TECTA: variants seen among roughly 807,000 people sequenced by gnomAD.
TECTA encodes tectorin alpha.
TECTA carries 128 observed loss-of-function variants against 216.8 expected under a neutral mutation model. That is an observed-to-expected ratio of 0.59 (90% CI 0.51 to 0.68). The LOEUF is 0.68. Among genes scored for constraint, TECTA ranks in the 30% least tolerant of loss-of-function variants. The pLI, the probability that TECTA is intolerant of heterozygous loss-of-function variation, is 0.00. For synonymous variants in TECTA, 1,089 were observed against 1,117.1 expected, an observed-to-expected ratio of 0.97 and a Z score of 0.50; for missense variants, 2,551 against 2,786.2, an observed-to-expected ratio of 0.92 and a Z score of 1.90.
In TECTA at chr11:121,145,630, G is replaced by A. The variant is rs746231346; in HGVS notation, c.3619G>A (p.Val1207Met). 2.5e-5 allele frequency: 41 copies of A among 1,614,084 alleles called. No homozygotes were observed. Among genetic ancestry groups the A allele is most frequent in the Non-Finnish European group, 3.1e-5 (37 of 1,180,044 alleles). Residue 1207 changes from valine to methionine, a missense_variant, in exon 12 of 24, where the codon GTG (valine) becomes ATG (methionine). Coordinates refer to ENST00000392793, the MANE Select transcript of TECTA (RefSeq NM_005422.4). ...KINIFSFGFH[V>M]VVETDFGLKV... ...AAATATCTTTTCCTTTGGCTTCCACGTGGTGGTGGAAACTGATTTTGGCCT... is the reference window on the plus strand; with the variant it reads ...AAATATCTTTTCCTTTGGCTTCCACATGGTGGTGGAAACTGATTTTGGCCT...
intron 20 of TECTA, among the ~76,000 whole-genome samples, chr11:121,178,825 T>C (rs901821177): frequency 3.0e-4 from 45 of 152,140 alleles, no homozygotes; most frequent in African/African-American, 1.1e-3. Context: ...TCAACCTTGG[T>C]AGGTTGTATG....
chr11:121,115,714 C>T (rs1264723591), intron 6 of TECTA, among the ~76,000 whole-genome samples: 1 of 152,110 alleles, frequency 6.6e-6, no homozygotes, highest in Admixed American at 6.5e-5. Context: ...AGAACAGTGT[C>T]GTGGTCATAG....
At position 121,130,134 on chromosome 11, in the gene TECTA, A is replaced by G; in HGVS notation, c.2864A>G (p.Asp955Gly). Residue 955 changes from aspartate (D) to glycine (G), a missense_variant, in exon 10 of 24, where the codon GAC becomes GGC. By Grantham distance (94) the Asp-to-Gly change is moderately conservative. Coordinates refer to ENST00000392793, the MANE Select transcript of TECTA (RefSeq NM_005422.4). ...GGGGGCAATGAGTCAGAGCTCTGTG[A>G]CTCTGTGGCCCGGTATGCAAGCGCC... ...QSGGNESELC[D>G]SVARYASACK... The G allele has an allele frequency of 1.2e-6, 2 of 1,610,754 alleles. No homozygotes were observed. The highest frequency in any genetic ancestry group is 1.7e-6 in the Non-Finnish European group (2 of 1,179,966).
rs139269834 is a variant in TECTA, at chr11:121,125,489, A to G, written c.1391A>G (p.Tyr464Cys). The change falls in exon 8 of 24, where the codon TAT (tyrosine) becomes TGT (cysteine). Residue 464 changes from tyrosine to cysteine, a missense_variant. By Grantham distance (194) the Tyr-to-Cys change is radical (BLOSUM62 -2). Around this residue, in one of 3 missense-constraint regions of TECTA, gnomAD observed 2,375 missense variants for 2,563.9 expected, o/e 0.93. Transcript: ENST00000392793. ...TCCACCTGTGGACTCTGTGGAAACT[A>G]TAATAAAAACCCACTGGATGACTTC... ...INSTCGLCGN[Y>C]NKNPLDDFLR... is the part of the protein sequence containing the mutation. 82 of 1,614,078 alleles carry G rather than the reference A, an allele frequency of 5.1e-5. No homozygotes were observed. Among genetic ancestry groups the G allele is most frequent in the Non-Finnish European group, 6.5e-5 (77 of 1,180,050 alleles).
Position 121,158,487 on chromosome 11 carries a change from A to G in TECTA, c.4689+263A>G, listed in dbSNP as rs114269625. Reference sequence around the variant, plus strand: ...ACCAGGCAATGGCATGGGCGCTAATAGAGCTTCAGGTGATAAATTGTTAGA... The same window carrying G: ...ACCAGGCAATGGCATGGGCGCTAATGGAGCTTCAGGTGATAAATTGTTAGA... On this transcript the variant is annotated intron_variant, in intron 14 of 23. Transcript: ENST00000392793. Among the ~76,000 whole-genome samples, 1,153 of 152,366 alleles carry G rather than the reference A, an allele frequency of 7.6e-3. 22 individuals carry two copies. The highest frequency in any genetic ancestry group is 0.025 in the African/African-American group (1,048 of 41,588).
At chr11:121,147,777 G>A (rs184934165) in intron 12 of TECTA, among the ~76,000 whole-genome samples, 2 of 152,156 alleles carry the variant, frequency 1.3e-5, no homozygotes, top group South Asian at 2.1e-4. Flanking sequence ...CTGCAGCCAT[G>A]CTGTGCTGGG....
At chr11:121,140,289 C>A (rs1445076733) in intron 11 of TECTA, among the ~76,000 whole-genome samples, 1 of 152,020 alleles carries the variant, frequency 6.6e-6, no homozygotes, top group Non-Finnish European at 1.5e-5. Flanking sequence ...TTCATGCTAC[C>A]CTTCCCTCTC....
chr11:121,165,318 G>A lies in TECTA; in HGVS notation c.5318G>A (p.Arg1773Gln), dbSNP rs2135128746. 2 of 1,608,688 alleles carry A rather than the reference G, an allele frequency of 1.2e-6. No homozygotes were observed. Among genetic ancestry groups the A allele is most frequent in the East Asian group, 2.2e-5 (1 of 44,792 alleles). Reference protein sequence around the residue: ...DPCVGADCPNRTCELGNGREL... With the variant: ...DPCVGADCPNQTCELGNGREL... The stretch of plus-strand genomic sequence containing the variant: ...TGTGTGGGGGCGGACTGTCCCAACC[G>A]AACTTGCGAGCTGGGCAATGGCAGG... The change falls in exon 17 of 24, where the codon CGA becomes CAA. Residue 1773 changes from arginine (R) to glutamine (Q), a missense_variant. Physicochemically the swap from Arg to Gln is conservative, Grantham distance 43 (BLOSUM62 1). Around this residue, in one of 3 missense-constraint regions of TECTA, gnomAD observed 2,375 missense variants for 2,563.9 expected, o/e 0.93. Transcript: ENST00000392793.
At position 121,113,440 on chromosome 11, in the gene TECTA, A is replaced by G. The variant is rs1946463877; in HGVS notation, c.625-113A>G. The G allele has an allele frequency of 1.3e-6, 2 of 1,516,450 alleles. No individual in the cohort carries two copies. The highest frequency in any genetic ancestry group is 1.7e-5 in the Admixed American group (1 of 59,482). 93.9% of individuals were successfully genotyped at this position (1,516,450 alleles called of 1,614,324 possible). A position where few individuals can be genotyped will look rare whatever the true frequency, so the allele number is the denominator to read the frequency against. ...GAATGCTGGCCCCAGTGACTCCAGG[A>G]AAAGACGGCTCTTGATTTTAGAGGT... On this transcript the variant is annotated intron_variant, in intron 5 of 23. Transcript: ENST00000392793. The surrounding 1 kb of genome is among the most constrained non-coding windows in gnomAD (Gnocchi z 4.2).
intron 20 of TECTA, among the ~76,000 whole-genome samples, chr11:121,186,290 G>A (rs560588454): frequency 1.3e-5 from 2 of 152,366 alleles, no homozygotes; most frequent in South Asian, 4.1e-4. Flanking sequence ...ACTTCTACAA[G>A]TGGCTTGTAA....
At position 121,158,364 on chromosome 11, in the gene TECTA, TAAAGAATC is replaced by T. The variant is rs897646674; in HGVS notation, c.4689+145_4689+152del. The T allele has an allele frequency of 2.4e-6, 3 of 1,232,116 alleles. No homozygotes were observed. In the African/African-American group the frequency reaches 4.5e-5, roughly 18 times the overall value. The allele number at this position is 1,232,116 out of a possible 1,614,324, so 76.3% of individuals were successfully genotyped here. On this transcript the variant is annotated intron_variant, in intron 14 of 23. Transcript: ENST00000392793. Reference sequence around the variant, plus strand: ...TGTTCCACACACAGTGACCAGGTTTTAAAGAATCAAAGTATGAAGATGTTTTAAGCCTG... The same window carrying T: ...TGTTCCACACACAGTGACCAGGTTTTAAAGTATGAAGATGTTTTAAGCCTG...
chr11:121,180,302 G>A (rs1015413688), intron 20 of TECTA, among the ~76,000 whole-genome samples: 1 of 152,144 alleles, frequency 6.6e-6, no homozygotes, highest in Non-Finnish European at 1.5e-5. Context: ...TGTTCTTGTA[G>A]GGCTGGCCTG....
chr11:121,121,300 C>G (rs146786101), intron 7 of TECTA, among the ~76,000 whole-genome samples: 1 of 152,170 alleles, frequency 6.6e-6, no homozygotes, highest in Non-Finnish European at 1.5e-5. Context: ...CCTGTGCCTC[C>G]GTGACTCCAC....
chr11:121,189,373 C>CT (rs1565542342), intron 22 of TECTA, among the ~76,000 whole-genome samples: 1 of 126,014 alleles, frequency 7.9e-6, no homozygotes, highest in Non-Finnish European at 1.6e-5. Context: ...CTTTGTCCTC[C>CT]TCTTTTTTTT....
At chr11:121,118,796 ACTGGTTCTG>A (rs1946526999) in intron 7 of TECTA, 78 bp downstream of exon 7, 2 of 1,557,562 alleles carry the variant, frequency 1.3e-6, no homozygotes, top group Non-Finnish European at 1.8e-6. Flanking sequence ...CCCCAGATCT[ACTGGTTCTG>A]CTGTTTGTCT....
At position 121,157,995 on chromosome 11, in the gene TECTA, GC is replaced by G; in HGVS notation, c.4462del (p.Leu1488TrpfsTer77). On this transcript the variant is annotated frameshift_variant, in exon 14 of 24. Transcript: ENST00000392793. LOFTEE classifies it high-confidence loss of function. ...RGCFSTKTSY[C>X]LAAGGGVFRT... ...TGCTTCAGCACCAAGACCTCCTACT[GC>G]CTGGCGGCCGGCGGCGGCGTCTTCC... 1 of 1,613,088 alleles carries G rather than the reference GC, an allele frequency of 6.2e-7. No individual in the cohort carries two copies.
intron 8 of TECTA, among the ~76,000 whole-genome samples, chr11:121,126,818 T>C (rs1946617138): frequency 1.3e-5 from 2 of 152,254 alleles, no homozygotes; most frequent in African/African-American, 2.4e-5. Flanking sequence ...CCAGCCTCTC[T>C]TATGACCAGA....
chr11:121,130,048 C>T lies in TECTA; in HGVS notation c.2778C>T (p.Cys926=), dbSNP rs149008453. Residue 926 remains cysteine, a synonymous_variant, in exon 10 of 24, where the codon TGC becomes TGT. Coordinates refer to ENST00000392793, the MANE Select transcript of TECTA (RefSeq NM_005422.4). The stretch of plus-strand genomic sequence containing the variant: ...CCTCCAACAGCTCCTTCCTGGAGTG[C>T]CATGGGGTGGTGAACGTCACTGCCT... The part of the protein sequence containing the change: ...NDPSNSSFLE[C]HGVVNVTAYY... 11 of 1,613,850 alleles carry T rather than the reference C, an allele frequency of 6.8e-6. No individual in the cohort carries two copies. Among genetic ancestry groups the T allele is most frequent in the African/African-American group, 1.3e-5 (1 of 74,928 alleles).
At chr11:121,156,819 T>C (rs1377668538) in intron 13 of TECTA, among the ~76,000 whole-genome samples, 1 of 152,114 alleles carries the variant, frequency 6.6e-6, no homozygotes, top group African/African-American at 2.4e-5. Context: ...ATATCTCCAA[T>C]TTAGAAATGA....
Sources: gnomAD v4.1 joint callset for allele counts (sites outside exome capture counted in the v4.1 genomes callset) on GRCh38, gnomAD v4.1.1 for gene constraint, gnomAD v4.1.1 regional missense constraint, Gnocchi (gnomAD v3.1) non-coding constraint, MANE v1.5 for transcripts, NCBI Gene and HGNC (gene_info 2026-07-23, HGNC 2026-07-21) for gene names.